Variants in CPLANE1 observed in about 807,000 individuals in gnomAD.
The protein encoded by CPLANE1 is ciliogenesis and planar polarity effector complex subunit 1, also known as ciliogenesis and planar polarity effector 1.
In CPLANE1, 263 loss-of-function variants were observed where a neutral mutation model predicts 362.5. The ratio of observed to expected loss-of-function variants is 0.73; its 90% CI spans 0.66 to 0.80. The LOEUF (loss-of-function observed/expected upper bound fraction) is 0.80. CPLANE1 is among the 30% of genes least tolerant of loss of function. CPLANE1 has a pLI of 0.00. For synonymous variants in CPLANE1, 1,212 were observed against 1,302.6 expected (o/e 0.93, Z 1.50); for missense variants, 3,461 against 3,793.4 (o/e 0.91, Z 2.30).
the CPLANE1 span, among the ~76,000 whole-genome samples, chr5:37,087,029 A>G: frequency 6.6e-6 from 1 of 152,248 alleles, no homozygotes; most frequent in Admixed American, 6.5e-5. Flanking sequence ...ATGGGACAAC[A>G]GTTATTAGCT....
chr5:37,155,264 T>C (rs769345397), intron 41 of CPLANE1, among the ~76,000 whole-genome samples: 2 of 152,204 alleles, frequency 1.3e-5, no homozygotes, highest in Non-Finnish European at 2.9e-5. Flanking sequence ...TGACAGACAA[T>C]GGCACACATA....
chr5:37,088,194 AC>A, the CPLANE1 span, among the ~76,000 whole-genome samples: 1 of 152,226 alleles, frequency 6.6e-6, no homozygotes, highest in African/African-American at 2.4e-5. Context: ...CAATCGGTTA[AC>A]CCAGGCAATT....
At position 37,164,345 on chromosome 5, in the gene CPLANE1, G is replaced by GGATT. The variant is rs1394902409; in HGVS notation, c.7534-22_7534-19dup. ...TGTTGTTCCTAAATGAATTCCCACA[G>GGATT]GATTACTCTATGATTAACTCAAAGA... On this transcript the variant is annotated intron_variant, in intron 36 of 52. Coordinates refer to ENST00000651892, the MANE Select transcript of CPLANE1 (RefSeq NM_001384732.1). The GGATT allele has an allele frequency of 6.2e-7, 1 of 1,601,300 alleles. No individual in the cohort carries two copies. Among genetic ancestry groups the GGATT allele is most frequent in the Non-Finnish European group, 8.5e-7 (1 of 1,169,910 alleles).
intron 41 of CPLANE1, 37 bp from the exon 42 acceptor site, chr5:37,154,030 A>C (rs1210668038): frequency 6.5e-7 from 1 of 1,540,938 alleles, no homozygotes; most frequent in African/African-American, 1.4e-5. Flanking sequence ...AATTGATTAT[A>C]ATTAAAGAAG....
At chr5:37,231,516 G>A (rs756617640) in intron 8 of CPLANE1, among the ~76,000 whole-genome samples, 13 of 152,006 alleles carry the variant, frequency 8.6e-5, no homozygotes, top group East Asian at 1.9e-4. Flanking sequence ...GCAGTGAGCC[G>A]AGATCATACC....
chr5:37,179,439 G>A lies in CPLANE1; in HGVS notation c.5742C>T (p.Asp1914=), dbSNP rs759518984. The change falls in exon 29 of 53, where the codon GAC becomes GAT. Residue 1914 remains aspartate, a synonymous_variant. Transcript: ENST00000651892. ...MDMHISDYEE[D]IEESVGGFRS... ...TGAAACCTCCAACAGATTCTTCAAT[G>A]TCTTCTAGCGATAAGTGAAGATGAA... The A allele has an allele frequency of 6.2e-7, 1 of 1,608,326 alleles. No homozygotes were observed. The highest frequency in any genetic ancestry group is 1.3e-5 in the African/African-American group (1 of 74,810).
At chr5:37,131,591 CATG>C (rs1269423186) in intron 46 of CPLANE1, among the ~76,000 whole-genome samples, 3 of 151,754 alleles carry the variant, frequency 2.0e-5, no homozygotes, top group African/African-American at 7.3e-5. Context: ...AGTGCAGTGG[CATG>C]GTCTTGGCTC....
chr5:37,238,163 G>GT (rs1327337291), intron 8 of CPLANE1, among the ~76,000 whole-genome samples: 4 of 152,212 alleles, frequency 2.6e-5, no homozygotes, highest in East Asian at 3.9e-4. Context: ...TGGGCAATAA[G>GT]TAAGACCCCA....
At position 37,184,931 on chromosome 5, in the gene CPLANE1, T is replaced by C. The variant is rs773491787; in HGVS notation, c.4338A>G (p.Pro1446=). 6.2e-7 allele frequency: 1 copy of C among 1,614,154 alleles called. No individual in the cohort carries two copies. Among genetic ancestry groups the C allele is most frequent in the Non-Finnish European group, 8.5e-7 (1 of 1,179,986 alleles). The stretch of plus-strand genomic sequence containing the variant: ...TCCCCAGGGAATATCTGTCAACACC[T>C]GGAGCCTCATCTGGTTTCTCTTCTT... ...PIEEEKPDEA[P]GVDRYSLGTS... The change falls in exon 25 of 53, where the codon CCA becomes CCG. Residue 1446 remains proline, a synonymous_variant. Coordinates refer to ENST00000651892, the MANE Select transcript of CPLANE1 (RefSeq NM_001384732.1).
chr5:37,126,804 T>C (rs1250878695), intron 46 of CPLANE1, among the ~76,000 whole-genome samples: 4 of 152,066 alleles, frequency 2.6e-5, no homozygotes, highest in African/African-American at 4.8e-5. Flanking sequence ...TTGGGCAAAA[T>C]AGCAAACCTC....
intron 32 of CPLANE1, 110 bp from the exon 33 acceptor site, chr5:37,170,441 T>C: frequency 2.6e-6 from 3 of 1,142,522 alleles, no homozygotes; most frequent in Non-Finnish European, 3.6e-6. Context: ...TGTCTTAATA[T>C]CTATGAGAAT....
At chr5:37,243,470 T>C (rs1276048150) in intron 5 of CPLANE1, among the ~76,000 whole-genome samples, 2 of 151,778 alleles carry the variant, frequency 1.3e-5, no homozygotes, top group Non-Finnish European at 2.9e-5. Flanking sequence ...AACTTCAAAG[T>C]GAAATTTCTA....
chr5:37,183,239 A>G lies in CPLANE1; in HGVS notation c.4942T>C (p.Ser1648Pro). ...CCTTGATTAACCAGTACTGATGATG[A>G]AAGTTTCTGGTTTTCTAAATGCATG... is the stretch of plus-strand genomic sequence containing the variant. ...YGMHLENQKL[S>P]SSVLVNQGIK... Residue 1648 changes from serine to proline, a missense_variant, in exon 26 of 53, where the codon TCA becomes CCA. Coordinates refer to ENST00000651892, the MANE Select transcript of CPLANE1 (RefSeq NM_001384732.1). The G allele has an allele frequency of 6.2e-7, 1 of 1,612,524 alleles. No homozygotes were observed. Among genetic ancestry groups the G allele is most frequent in the Non-Finnish European group, 8.5e-7 (1 of 1,179,626 alleles).
chr5:37,170,211 A>G lies in CPLANE1; in HGVS notation c.6292T>C (p.Ser2098Pro). 4 of 1,614,134 alleles carry G rather than the reference A, an allele frequency of 2.5e-6. No individual in the cohort carries two copies. The highest frequency in any genetic ancestry group is 3.4e-6 in the Non-Finnish European group (4 of 1,180,038). Residue 2098 changes from serine to proline, a missense_variant, in exon 33 of 53, where the codon TCA (serine) becomes CCA (proline). Physicochemically the swap from Ser to Pro is moderately conservative, Grantham distance 74. Transcript: ENST00000651892. ...QSVHLGESQE[S>P]NLRGCGDVED... The stretch of plus-strand genomic sequence containing the variant: ...ACATCACCACATCCTCTTAGGTTTG[A>G]TTCTTGGCTTTCCCCTAAATGCACA...
At chr5:37,117,272 G>A (rs1161096513) in intron 50 of CPLANE1, among the ~76,000 whole-genome samples, 2 of 151,200 alleles carry the variant, frequency 1.3e-5, no homozygotes, top group African/African-American at 4.9e-5. Context: ...ATAGGAAGAT[G>A]AGCAAGGGAA....
At chr5:37,083,137 G>A in the CPLANE1 span, among the ~76,000 whole-genome samples, 3 of 152,180 alleles carry the variant, frequency 2.0e-5, no homozygotes, top group Non-Finnish European at 4.4e-5. Context: ...CCGGCCTGGA[G>A]CCTGGCAGAC....
intron 7 of CPLANE1, among the ~76,000 whole-genome samples, 181 bp downstream of exon 7, chr5:37,239,532 A>G (rs1799819209): frequency 6.9e-6 from 1 of 145,970 alleles, no homozygotes; most frequent in African/African-American, 2.6e-5. Context: ...GCAGCAAGCC[A>G]TGATCGCACC....
the CPLANE1 span, among the ~76,000 whole-genome samples, chr5:37,099,151 G>A: frequency 6.6e-6 from 1 of 152,092 alleles, no homozygotes; most frequent in Admixed American, 6.5e-5. Context: ...TTTAAGTTCT[G>A]GGGTACACGT....
At chr5:37,080,405 G>A in the CPLANE1 span, among the ~76,000 whole-genome samples, 2 of 152,254 alleles carry the variant, frequency 1.3e-5, no homozygotes, top group South Asian at 4.1e-4. Context: ...GATCAAGAGG[G>A]AAAAAGCTGT....
Sources: gnomAD v4.1 joint callset for allele counts (sites outside exome capture counted in the v4.1 genomes callset) on GRCh38, gnomAD v4.1.1 for gene constraint, MANE v1.5 for transcripts, NCBI Gene and HGNC (gene_info 2026-07-23, HGNC 2026-07-21) for gene names.